Variants in AEBP2 observed in about 807,000 individuals in gnomAD.
AEBP2 encodes the protein zinc finger protein AEBP2.
In AEBP2, 10 loss-of-function variants were observed where a neutral mutation model predicts 50.8. The ratio of observed to expected loss-of-function variants is 0.20; its 90% confidence interval spans 0.12 to 0.33. The LOEUF (loss-of-function observed/expected upper bound fraction) is 0.33. AEBP2 is among the 10% of genes least tolerant of loss of function. AEBP2 has a pLI of 1.00. For synonymous variants in AEBP2, 296 were observed against 261.3 expected (o/e 1.13, Z -1.28); for missense variants, 570 against 688.0 (o/e 0.83, Z 1.92).
At chr12:19,435,424 G>C (rs1447516585), upstream of AEBP2, among the ~76,000 whole-genome samples, 2 of 152,034 alleles carry the variant, frequency 1.3e-5, no homozygotes, top group African/African-American at 2.4e-5. Flanking sequence ...TTTTTGTAGA[G>C]ATAGGGTTTC....
intron 3 of AEBP2, among the ~76,000 whole-genome samples, chr12:19,493,241 A>G (rs1948920450): frequency 6.6e-6 from 1 of 152,122 alleles, no homozygotes. Context: ...AGCTCTACTA[A>G]AAATACAAAA....
intron 4 of AEBP2, among the ~76,000 whole-genome samples, chr12:19,497,336 T>TTTTTG (rs1471546081): frequency 7.1e-6 from 1 of 141,090 alleles, no homozygotes; most frequent in Non-Finnish European, 1.5e-5. Context: ...GTGTTTTTTT[T>TTTTTG]TTTTTTTTTT....
upstream of AEBP2, among the ~76,000 whole-genome samples, chr12:19,435,316 C>T (rs60799930): frequency 5.3e-3 from 793 of 150,572 alleles, 6 homozygotes; most frequent in African/African-American, 0.015. Flanking sequence ...TGTCATGCTC[C>T]GTCACCCAGG....
intron 2 of AEBP2, among the ~76,000 whole-genome samples, chr12:19,464,708 TC>T (rs1948441089): frequency 6.6e-6 from 1 of 151,764 alleles, no homozygotes; most frequent in Admixed American, 6.6e-5. Context: ...TGCCTCACCC[TC>T]CCGAGTAGCT....
chr12:19,404,434 C>A (rs1310709951), intron 1 of AEBP2, among the ~76,000 whole-genome samples: 1 of 152,178 alleles, frequency 6.6e-6, no homozygotes, highest in Non-Finnish European at 1.5e-5. Context: ...TCTGAAAACT[C>A]AACAGTTTTC....
intron 5 of AEBP2, among the ~76,000 whole-genome samples, chr12:19,509,820 CTTTTTTTTT>C (rs57103167): frequency 2.9e-5 from 2 of 68,746 alleles, no homozygotes; most frequent in Non-Finnish European, 5.1e-5. Flanking sequence ...TGGCTACTTT[CTTTTTTTTT>C]TTTTTTTTTT....
chr12:19,489,087 C>T (rs971692826), intron 3 of AEBP2, among the ~76,000 whole-genome samples: 1 of 152,160 alleles, frequency 6.6e-6, no homozygotes, highest in Admixed American at 6.5e-5. Flanking sequence ...CCATGCCTGG[C>T]CAACATACAT....
intron 5 of AEBP2, among the ~76,000 whole-genome samples, chr12:19,507,525 A>T (rs957274967): frequency 6.6e-6 from 1 of 152,252 alleles, no homozygotes; most frequent in Non-Finnish European, 1.5e-5. Context: ...GAGAGGGCTT[A>T]AGAACATTGA....
At chr12:19,493,749 T>C in intron 3 of AEBP2, 51 bp from the exon 4 acceptor site, 1 of 1,539,712 alleles carries the variant, frequency 6.5e-7, no homozygotes, top group Non-Finnish European at 8.8e-7. Context: ...GATATTCTTC[T>C]CGTGCCCTAC....
At chr12:19,496,706 G>C (rs1425646207) in intron 4 of AEBP2, among the ~76,000 whole-genome samples, 1 of 148,880 alleles carries the variant, frequency 6.7e-6, no homozygotes, top group Non-Finnish European at 1.5e-5. Flanking sequence ...CTGTCACCCA[G>C]GCTGGAATGC....
chr12:19,516,877 A>G (rs1949327092), intron 7 of AEBP2, among the ~76,000 whole-genome samples: 1 of 152,016 alleles, frequency 6.6e-6, no homozygotes. Context: ...AAATGCAAAA[A>G]TCAGTCGGAC....
Position 19,421,365 on chromosome 12 carries a change from AAG to A in AEBP2, c.-17+17151_-17+17152del, listed in dbSNP as rs1330364734. Among the ~76,000 whole-genome samples, 16 of 150,688 alleles carry A rather than the reference AAG, an allele frequency of 1.1e-4. No individual in the cohort carries two copies. In the East Asian group the frequency reaches 1.4e-3, roughly 13 times the overall value. On this transcript the variant is annotated intron_variant, in intron 1 of 3. Coordinates refer to the AEBP2 transcript ENST00000538425. ...GTCTCAAAAAAAAAAAAAAAAAAAA[AAG>A]AAACAAACAAAAAAAAGAATGGCAT... is the stretch of plus-strand genomic sequence containing the variant.
At chr12:19,405,944 G>A (rs1449585857) in intron 1 of AEBP2, among the ~76,000 whole-genome samples, 1 of 149,720 alleles carries the variant, frequency 6.7e-6, no homozygotes, top group African/African-American at 2.5e-5. Flanking sequence ...TGGGACTACA[G>A]ATGTGCACCA....
At chr12:19,452,294 A>G (rs930839568) in intron 1 of AEBP2, among the ~76,000 whole-genome samples, 11 of 152,146 alleles carry the variant, frequency 7.2e-5, no homozygotes, top group African/African-American at 2.7e-4. Context: ...CTCCTGGCCA[A>G]AAGTGGCCAT....
intron 1 of AEBP2, among the ~76,000 whole-genome samples, chr12:19,458,691 T>G (rs901739903): frequency 6.6e-6 from 1 of 152,206 alleles, no homozygotes; most frequent in African/African-American, 2.4e-5. Context: ...ATAATGATGT[T>G]TCGCAGCTAT....
chr12:19,427,733 A>G (rs1249632849), intron 1 of AEBP2, among the ~76,000 whole-genome samples: 2 of 152,170 alleles, frequency 1.3e-5, no homozygotes, highest in African/African-American at 4.8e-5. Context: ...CTGTCATAGT[A>G]GAAAGCTTTG....
intron 1 of AEBP2, among the ~76,000 whole-genome samples, chr12:19,433,217 C>A (rs1401328326): frequency 6.6e-6 from 1 of 151,880 alleles, no homozygotes; most frequent in African/African-American, 2.4e-5. Flanking sequence ...GAAACTTTGT[C>A]TCTACTAAAA....
intron 1 of AEBP2, among the ~76,000 whole-genome samples, chr12:19,422,755 T>TG (rs2095746465): frequency 1.3e-5 from 2 of 152,048 alleles, no homozygotes; most frequent in African/African-American, 2.4e-5. Context: ...AACTCTTGTG[T>TG]GAAAGAGCTG....
At chr12:19,501,763 C>T (rs1429784960) in intron 5 of AEBP2, among the ~76,000 whole-genome samples, 2 of 141,574 alleles carry the variant, frequency 1.4e-5, no homozygotes, top group African/African-American at 5.1e-5. Flanking sequence ...TGGTTTGAAC[C>T]TCTATTTCCG....
Sources: allele counts gnomAD v4.1 joint callset (sites outside exome capture counted in the v4.1 genomes callset), GRCh38; gene constraint gnomAD v4.1.1; transcripts MANE v1.5; gene names NCBI Gene and HGNC (gene_info 2026-07-23, HGNC 2026-07-21).